The following UBE2W variants were observed in gnomAD, a reference collection of about 807,000 sequenced individuals.
The protein encoded by UBE2W is ubiquitin conjugating enzyme E2 W.
A neutral mutation model predicts 27.2 loss-of-function variants in UBE2W; 18 were observed. The observed-to-expected ratio is 0.66, with a 90% CI of 0.46 to 0.98. UBE2W has a LOEUF of 0.98. Among genes scored for constraint, UBE2W ranks in the 50% least tolerant of loss-of-function variants. UBE2W has a pLI of 0.00. For synonymous variants in UBE2W, 53 were observed against 57.2 expected, an observed-to-expected ratio of 0.93 and a Z score of 0.33; for missense variants, 90 against 180.2, an observed-to-expected ratio of 0.50 and a Z score of 2.87.
chr8:73,858,479 G>A (rs1407615989), intron 1 of UBE2W, among the ~76,000 whole-genome samples: 3 of 151,106 alleles, frequency 2.0e-5, no homozygotes, highest in African/African-American at 4.9e-5. Flanking sequence ...GACATCCTAC[G>A]TTGCCAATTC....
Position 73,878,825 on chromosome 8 carries a change from T to C in UBE2W, c.-3A>G. On this transcript the variant is annotated 5_prime_UTR_variant, in exon 1 of 6. Coordinates refer to ENST00000602593, the MANE Select transcript of UBE2W (RefSeq NM_018299.6). ...CCTCTCACCTGCATTGACGCCATGA[T>C]GGAACCATCCCCCCAAGACCGGCGA... 2 of 1,550,660 alleles carry C rather than the reference T, an allele frequency of 1.3e-6. No homozygotes were observed. Among genetic ancestry groups the C allele is most frequent in the Non-Finnish European group, 1.7e-6 (2 of 1,146,486 alleles).
chr8:73,792,608 A>G lies in UBE2W; in HGVS notation c.*1494T>C. On this transcript the variant is annotated 3_prime_UTR_variant, in exon 6 of 6. Coordinates refer to ENST00000602593, the MANE Select transcript of UBE2W (RefSeq NM_018299.6). The stretch of plus-strand genomic sequence containing the variant: ...GTTTTAAGCCCAAATTGATTCATAT[A>G]TTCACTGCAGGATATTTCAAAAAGA... 1.0e-6 allele frequency: 1 copy of G among 985,742 alleles called. No individual in the cohort carries two copies. The highest frequency in any genetic ancestry group is 1.7e-5 in the African/African-American group (1 of 57,354). 61.1% of individuals were successfully genotyped at this position (985,742 alleles called of 1,614,324 possible).
In UBE2W at chr8:73,872,423, G is replaced by A. The variant is rs76384634; in HGVS notation, c.15+6385C>T. On this transcript the variant is annotated intron_variant, in intron 1 of 5. Coordinates refer to ENST00000602593, the MANE Select transcript of UBE2W (RefSeq NM_018299.6). ...ATTTATATAATATACCAAAAAAGTG[G>A]CTTATTTTCTTGCTGCATGCGTTTG... Among the ~76,000 whole-genome samples, 1,354 of 152,208 alleles carry A rather than the reference G, an allele frequency of 8.9e-3. 28 individuals carry two copies. The highest frequency in any genetic ancestry group is 0.031 in the African/African-American group (1,282 of 41,512).
intron 4 of UBE2W, among the ~76,000 whole-genome samples, chr8:73,780,813 G>A (rs111996323): frequency 2.6e-5 from 4 of 151,832 alleles, no homozygotes; most frequent in Non-Finnish European, 5.9e-5. Context: ...TGTGAGCCAC[G>A]ACGCCTGACC....
At chr8:73,784,841 C>T (rs901858937), downstream of UBE2W, among the ~76,000 whole-genome samples, 9 of 152,046 alleles carry the variant, frequency 5.9e-5, no homozygotes, top group East Asian at 1.5e-3. Context: ...CTTGTGATAC[C>T]GCCCACACAG....
intron 3 of UBE2W, among the ~76,000 whole-genome samples, chr8:73,812,121 C>T (rs1284908386): frequency 6.6e-6 from 1 of 150,990 alleles, no homozygotes; most frequent in African/African-American, 2.4e-5. Flanking sequence ...CTAGATAAGA[C>T]AGCAAAAGGC....
At chr8:73,797,897 T>A (rs986865009) in intron 5 of UBE2W, among the ~76,000 whole-genome samples, 4 of 152,204 alleles carry the variant, frequency 2.6e-5, no homozygotes, top group Admixed American at 6.5e-5. Context: ...AATCTGAAAC[T>A]TTTTAAGTAT....
At chr8:73,829,084 A>G (rs889727571) in intron 2 of UBE2W, among the ~76,000 whole-genome samples, 16 of 152,182 alleles carry the variant, frequency 1.1e-4, no homozygotes, top group African/African-American at 3.9e-4. Flanking sequence ...ATATCTCGAT[A>G]TAATAGGATT....
intron 4 of UBE2W, among the ~76,000 whole-genome samples, chr8:73,808,110 C>A (rs1373864387): frequency 1.3e-5 from 2 of 152,132 alleles, no homozygotes; most frequent in Admixed American, 6.5e-5. Context: ...AAGTCCCAAA[C>A]ACCTAAAGTA....
At chr8:73,838,373 T>C (rs1810395775) in intron 1 of UBE2W, among the ~76,000 whole-genome samples, 1 of 152,158 alleles carries the variant, frequency 6.6e-6, no homozygotes, top group African/African-American at 2.4e-5. Flanking sequence ...CAGATCTGTA[T>C]GTCATAATAC....
intron 1 of UBE2W, among the ~76,000 whole-genome samples, chr8:73,839,638 C>T (rs1810455341): frequency 2.0e-5 from 3 of 150,148 alleles, no homozygotes; most frequent in Admixed American, 2.0e-4. Flanking sequence ...GCCTGGGCGA[C>T]AGCACAAGAC....
intron 5 of UBE2W, among the ~76,000 whole-genome samples, 179 bp downstream of exon 5, chr8:73,805,472 C>CAAAACAAA (rs1554579998): frequency 3.7e-4 from 16 of 43,674 alleles, no homozygotes; most frequent in Non-Finnish European, 7.5e-4. Flanking sequence ...AAAAAAAAAA[C>CAAAACAAA]AAAAAAAACT....
At position 73,789,744 on chromosome 8, in the gene UBE2W, AG is replaced by A; in HGVS notation, c.*4357del. 4.0e-6 allele frequency: 1 copy of A among 248,308 alleles called. No homozygotes were observed. The highest frequency in any genetic ancestry group is 6.4e-6 in the Non-Finnish European group (1 of 156,122). The allele number at this position is 248,308 out of a possible 1,614,324, so 15.4% of individuals were successfully genotyped here. A position where few individuals can be genotyped will look rare whatever the true frequency, so the allele number is the denominator to read the frequency against. ...TCCCAGCTACTCAAGAGGCTGAGGC[AG>A]GAGAATCGCTTAGACCCAGGAGGTG... On this transcript the variant is annotated 3_prime_UTR_variant, in exon 6 of 6. Transcript: ENST00000602593.
At chr8:73,860,254 C>A (rs1811485747) in intron 1 of UBE2W, among the ~76,000 whole-genome samples, 2 of 152,094 alleles carry the variant, frequency 1.3e-5, no homozygotes, top group South Asian at 2.1e-4. Flanking sequence ...AGGAAGCTTA[C>A]CCTGATTTTT....
chr8:73,877,313 T>C (rs564581624), intron 1 of UBE2W, among the ~76,000 whole-genome samples: 4 of 152,340 alleles, frequency 2.6e-5, no homozygotes, highest in African/African-American at 9.6e-5. Flanking sequence ...CTGGGGAGAC[T>C]AGTGTAAAGT....
chr8:73,809,475 A>C (rs1045418189), intron 4 of UBE2W, among the ~76,000 whole-genome samples: 1 of 152,214 alleles, frequency 6.6e-6, no homozygotes, highest in Non-Finnish European at 1.5e-5. Context: ...AAATACATAA[A>C]TGTTATGCTA....
chr8:73,799,144 C>T (rs1302184533), intron 5 of UBE2W, among the ~76,000 whole-genome samples: 1 of 151,976 alleles, frequency 6.6e-6, no homozygotes, highest in African/African-American at 2.4e-5. Flanking sequence ...CAGTCACTAT[C>T]AATACAACTT....
intron 5 of UBE2W, among the ~76,000 whole-genome samples, chr8:73,804,089 T>TA (rs938264687): frequency 6.6e-6 from 1 of 151,984 alleles, no homozygotes; most frequent in African/African-American, 2.4e-5. Flanking sequence ...TTCTAATTTT[T>TA]AACTACTGGC....
In UBE2W at chr8:73,791,924, C is replaced by T. The variant is rs1808220106; in HGVS notation, c.*2178G>A. 1.0e-6 allele frequency: 1 copy of T among 984,920 alleles called. No homozygotes were observed. Among genetic ancestry groups the T allele is most frequent in the Middle Eastern group, 5.2e-4 (1 of 1,914 alleles). 61.0% of individuals were successfully genotyped at this position (984,920 alleles called of 1,614,324 possible). Reference sequence around the variant, plus strand: ...AAAACTCAATTGAGGCTATATATGACCTATTACTCTATAGTATAGCATTGT... The same window carrying T: ...AAAACTCAATTGAGGCTATATATGATCTATTACTCTATAGTATAGCATTGT... On this transcript the variant is annotated 3_prime_UTR_variant, in exon 6 of 6. Coordinates refer to ENST00000602593, the MANE Select transcript of UBE2W (RefSeq NM_018299.6).
Sources: allele counts gnomAD v4.1 joint callset (sites outside exome capture counted in the v4.1 genomes callset), GRCh38; gene constraint gnomAD v4.1.1; transcripts MANE v1.5; gene names NCBI Gene and HGNC (gene_info 2026-07-23, HGNC 2026-07-21).